The following LRBA variants were observed in gnomAD, a reference collection of about 807,000 sequenced individuals.
LRBA encodes the protein lipopolysaccharide-responsive and beige-like anchor protein.
A neutral mutation model predicts 330.0 loss-of-function variants in LRBA; 176 were observed. The observed-to-expected ratio is 0.53, with a 90% CI of 0.47 to 0.60. LRBA has a LOEUF of 0.60. LRBA is among the 20% of genes least tolerant of loss of function. The probability of loss-of-function intolerance (pLI) is 0.00; values close to 1 mark genes in which losing one functional copy is unlikely to be tolerated. For missense variants in LRBA, 3,259 were observed against 3,444.8 expected (o/e 0.95, Z 1.35); for synonymous variants, 1,230 against 1,193.0 (o/e 1.03, Z -0.64).
Position 150,852,528 on chromosome 4 carries a change from G to A in LRBA, c.3182C>T (p.Ser1061Phe). 1 of 1,613,760 alleles carries A rather than the reference G, an allele frequency of 6.2e-7. No homozygotes were observed. Among genetic ancestry groups the A allele is most frequent in the Non-Finnish European group, 8.5e-7 (1 of 1,179,946 alleles). Residue 1061 changes from serine to phenylalanine, a missense_variant, in exon 23 of 57, where the codon TCC (serine) becomes TTC (phenylalanine). Physicochemically the swap from Ser to Phe is radical, Grantham distance 155. Transcript: ENST00000651943. ...GCCAGTTGTTATAAAAGAATTAGAG[G>A]AAATAGCCACAGCTTCTATTATGTC... The part of the protein sequence containing the change: ...SSDIIEAVAI[S>F]SNSFITTGKD...
At chr4:150,364,825 T>C (rs1366872533) in intron 47 of LRBA, among the ~76,000 whole-genome samples, 3 of 152,102 alleles carry the variant, frequency 2.0e-5, no homozygotes, top group Admixed American at 1.3e-4. Flanking sequence ...ACTGAGCATA[T>C]AGTAGATGCC....
intron 26 of LRBA, 37 bp downstream of exon 26, chr4:150,848,781 T>A (rs1750210810): frequency 6.5e-7 from 1 of 1,535,854 alleles, no homozygotes; most frequent in Non-Finnish European, 8.8e-7. Context: ...CTGAAAAATT[T>A]TTTTTAGTAA....
intron 46 of LRBA, among the ~76,000 whole-genome samples, chr4:150,430,430 C>A (rs931134719): frequency 6.6e-6 from 1 of 152,126 alleles, no homozygotes; most frequent in East Asian, 1.9e-4. Flanking sequence ...ATGATTGGTC[C>A]TGAATCTCCT....
At chr4:150,670,388 T>G (rs1781952257) in intron 37 of LRBA, among the ~76,000 whole-genome samples, 1 of 152,234 alleles carries the variant, frequency 6.6e-6, no homozygotes, top group Admixed American at 6.5e-5. Context: ...TTGCTCAAAT[T>G]GTCACAGATT....
At chr4:150,890,629 A>G (rs1729362372) in intron 17 of LRBA, among the ~76,000 whole-genome samples, 1 of 152,214 alleles carries the variant, frequency 6.6e-6, no homozygotes, top group Non-Finnish European at 1.5e-5. Flanking sequence ...CAGTGATAAA[A>G]AGGTCTAGGT....
intron 2 of LRBA, chr4:151,013,470 TA>T (rs1169524901): frequency 2.0e-5 from 3 of 152,168 alleles, no homozygotes; most frequent in Non-Finnish European, 2.9e-5. Context: ...AATTCAAAAC[TA>T]GCCTAGGCAA....
At chr4:150,918,041 G>T (rs946756933) in intron 5 of LRBA, among the ~76,000 whole-genome samples, 2 of 152,102 alleles carry the variant, frequency 1.3e-5, no homozygotes, top group Non-Finnish European at 2.9e-5. Flanking sequence ...TAAGGCCCTG[G>T]TGTCCTTTGG....
intron 53 of LRBA, among the ~76,000 whole-genome samples, chr4:150,293,746 T>C (rs575964528): frequency 1.3e-5 from 2 of 152,332 alleles, no homozygotes; most frequent in Admixed American, 1.3e-4. Flanking sequence ...GTTTGAACTG[T>C]ATGGGTCTAC....
chr4:150,626,073 G>A lies in LRBA; in HGVS notation c.5922-26942C>T, dbSNP rs1051824551. Among the ~76,000 whole-genome samples, 6 of 151,786 alleles carry A rather than the reference G, an allele frequency of 4.0e-5. No homozygotes were observed. The East Asian group carries it at 5.8e-4, about 15-fold the overall frequency. Reference sequence around the variant, plus strand: ...GAAAAAACAATTGGATTAATCAAACGAACTGGCCTGGATGCTATATATTCG... The same window carrying A: ...GAAAAAACAATTGGATTAATCAAACAAACTGGCCTGGATGCTATATATTCG... On this transcript the variant is annotated intron_variant, in intron 37 of 56. Transcript: ENST00000651943.
chr4:150,782,644 A>G (rs527867556), intron 34 of LRBA, among the ~76,000 whole-genome samples: 1 of 152,322 alleles, frequency 6.6e-6, no homozygotes, highest in South Asian at 2.1e-4. Flanking sequence ...TTTAGGGTGT[A>G]CCCACATAAT....
chr4:150,372,583 GGAAAA>G lies in LRBA; in HGVS notation c.7195-22429_7195-22425del, dbSNP rs1312084587. ...TCCAAAAAAAAAAAAAAAAAGGAAA[GGAAAA>G]GAAAAAAAATCCAAAAGATCTGGAG... On this transcript the variant is annotated intron_variant, in intron 47 of 56. Transcript: ENST00000651943. Among the ~76,000 whole-genome samples the G allele has an allele frequency of 1.9e-4, 28 of 144,568 alleles. 2 individuals carry two copies. In the South Asian group the frequency reaches 5.5e-3, roughly 28 times the overall value. The allele number at this position is 144,568 out of a possible 152,430, so 94.8% of individuals were successfully genotyped here.
intron 40 of LRBA, among the ~76,000 whole-genome samples, chr4:150,532,858 C>T (rs1365025410): frequency 2.0e-5 from 3 of 151,896 alleles, no homozygotes; most frequent in Non-Finnish European, 4.4e-5. Context: ...TTATGTACAT[C>T]ACAACAATTG....
At chr4:150,954,918 C>T (rs1482694733) in intron 2 of LRBA, among the ~76,000 whole-genome samples, 1 of 140,676 alleles carries the variant, frequency 7.1e-6, no homozygotes, top group Non-Finnish European at 1.5e-5. Flanking sequence ...ATTTTGGAAA[C>T]TCAACAAATA....
At chr4:150,738,853 GA>G (rs970391541) in intron 35 of LRBA, among the ~76,000 whole-genome samples, 19 of 141,966 alleles carry the variant, frequency 1.3e-4, no homozygotes, top group South Asian at 4.5e-4. Flanking sequence ...TCAGAAGAAG[GA>G]AAAAAAAAAG....
chr4:150,389,676 CAAAAAAAA>C (rs34170088), intron 47 of LRBA, among the ~76,000 whole-genome samples: 1 of 80,092 alleles, frequency 1.2e-5, no homozygotes, highest in Admixed American at 1.6e-4. Flanking sequence ...GACTCTGTCT[CAAAAAAAA>C]AAAAAAAAAA....
At chr4:150,476,039 T>A (rs969573550) in intron 42 of LRBA, among the ~76,000 whole-genome samples, 1 of 152,242 alleles carries the variant, frequency 6.6e-6, no homozygotes, top group African/African-American at 2.4e-5. Context: ...ATTTTACTGA[T>A]CTTTGCAAAG....
intron 2 of LRBA, among the ~76,000 whole-genome samples, chr4:151,008,980 A>T (rs1466436464): frequency 8.8e-5 from 1 of 11,312 alleles, no homozygotes; most frequent in African/African-American, 1.7e-4. Context: ...AAAAAAAAAA[A>T]AAAAAAAAAT....
chr4:150,553,454 C>T lies in LRBA; in HGVS notation c.6330+34594G>A, dbSNP rs1226578806. 2.6e-5 allele frequency among the ~76,000 whole-genome samples: 4 copies of T among 151,774 alleles called. No homozygotes were observed. The East Asian group carries it at 5.8e-4, about 22-fold the overall frequency. On this transcript the variant is annotated intron_variant, in intron 40 of 56. Transcript: ENST00000651943. ...CATGTTGTGCACATGTACCCTAGAA[C>T]TTAAAGTACAAAAAGAAAAAAAAAA...
At chr4:150,958,512 T>C (rs1737795625) in intron 2 of LRBA, among the ~76,000 whole-genome samples, 2 of 149,284 alleles carry the variant, frequency 1.3e-5, no homozygotes, top group Non-Finnish European at 2.9e-5. Context: ...CCTGGAGACA[T>C]TTCCCTATTG....
Sources: allele counts gnomAD v4.1 joint callset (sites outside exome capture counted in the v4.1 genomes callset), GRCh38; gene constraint gnomAD v4.1.1; transcripts MANE v1.5; gene names NCBI Gene and HGNC (gene_info 2026-07-23, HGNC 2026-07-21).